Variants in MUC13 observed in about 807,000 individuals in gnomAD.
MUC13 encodes mucin 13, cell surface associated, also known as mucin-13.
In MUC13, 32 loss-of-function variants were observed where a neutral mutation model predicts 48.3. The observed-to-expected ratio is 0.66, with a 90% confidence interval of 0.50 to 0.89. The LOEUF (loss-of-function observed/expected upper bound fraction) is 0.89. MUC13 is among the 40% of genes least tolerant of loss of function. MUC13 has a pLI of 0.00. For synonymous variants in MUC13, 199 were observed against 224.9 expected, an observed-to-expected ratio of 0.88 and a Z score of 1.03; for missense variants, 571 against 622.8, an observed-to-expected ratio of 0.92 and a Z score of 0.88.
chr3:124,931,883 A>C (rs925042562), intron 1 of MUC13, among the ~76,000 whole-genome samples: 5 of 152,098 alleles, frequency 3.3e-5, no homozygotes, highest in Non-Finnish European at 7.4e-5. Flanking sequence ...TCTCTACTAA[A>C]AATACAAAAA....
intron 1 of MUC13, among the ~76,000 whole-genome samples, chr3:124,931,819 C>A (rs1329209427): frequency 2.0e-5 from 3 of 151,186 alleles, no homozygotes; most frequent in Non-Finnish European, 2.9e-5. Context: ...CCAAGGCGGG[C>A]GGATCATGAG....
At chr3:124,925,894 C>T (rs1471136424) in intron 2 of MUC13, among the ~76,000 whole-genome samples, 4 of 152,000 alleles carry the variant, frequency 2.6e-5, no homozygotes, top group South Asian at 2.1e-4. Flanking sequence ...GGATTACAGG[C>T]GTGAGCCACC....
intron 1 of MUC13, among the ~76,000 whole-genome samples, chr3:124,932,680 T>C (rs1416024642): frequency 6.6e-6 from 1 of 152,068 alleles, no homozygotes; most frequent in Non-Finnish European, 1.5e-5. Context: ...CACATCAGGC[T>C]CTTTGTCTCA....
rs574307236 is a variant in MUC13 at position 124,910,564 on chromosome 3, G to T, written c.1253-65C>A. 1.5e-5 allele frequency: 24 copies of T among 1,596,124 alleles called. 1 individual carries two copies. The South Asian group carries it at 2.2e-4, about 15-fold the overall frequency. On this transcript the variant is annotated intron_variant, in intron 9 of 11. Transcript: ENST00000616727. ...TGGCCCCCAACTGTCTACTGCACAG[G>T]TTCGTGTATTCCCAGGGACTCCTAG...
chr3:124,927,588 G>A lies in MUC13; in HGVS notation c.458C>T (p.Ser153Leu). The A allele has an allele frequency of 6.2e-7, 1 of 1,614,202 alleles. No individual in the cohort carries two copies. The highest frequency in any genetic ancestry group is 1.1e-5 in the South Asian group (1 of 91,084). Reference sequence around the variant, plus strand: ...AGCGGTGCCAGTGGGAGGCCCTGATGATTGATTGTCTTCTGTGGTGGGGGA... The same window carrying A: ...AGCGGTGCCAGTGGGAGGCCCTGATAATTGATTGTCTTCTGTGGTGGGGGA... ...EMSPTTEDNQ[S>L]SGPPTGTALL... The change falls in exon 2 of 12, where the codon TCA becomes TTA. Residue 153 changes from serine (S) to leucine (L), a missense_variant. Ser to Leu is a moderately radical substitution (Grantham distance 145, BLOSUM62 -2). Coordinates refer to ENST00000616727, the MANE Select transcript of MUC13 (RefSeq NM_033049.4).
rs567776561 is a variant in MUC13, at chr3:124,906,146, T to A, written c.*597A>T. 6.5e-6 allele frequency: 1 copy of A among 152,746 alleles called. No individual in the cohort carries two copies. The highest frequency in any genetic ancestry group is 1.9e-4 in the East Asian group (1 of 5,186). 9.5% of individuals were successfully genotyped at this position (152,746 alleles called of 1,614,324 possible). A position where few individuals can be genotyped will look rare whatever the true frequency, so the allele number is the denominator to read the frequency against. On this transcript the variant is annotated 3_prime_UTR_variant, in exon 12 of 12. Coordinates refer to ENST00000616727, the MANE Select transcript of MUC13 (RefSeq NM_033049.4). Reference sequence around the variant, plus strand: ...AGCTGAGAGATATGTCTCTTTCCAGTCTTCTTGGGTGAGGCTAGGTTGCAA... The same window carrying A: ...AGCTGAGAGATATGTCTCTTTCCAGACTTCTTGGGTGAGGCTAGGTTGCAA...
At chr3:124,932,915 A>G (rs1935821355) in intron 1 of MUC13, among the ~76,000 whole-genome samples, 1 of 151,812 alleles carries the variant, frequency 6.6e-6, no homozygotes, top group Admixed American at 6.6e-5. Flanking sequence ...TTAACTCTCT[A>G]TTCATCTCCT....
At chr3:124,919,290 T>A in intron 5 of MUC13, among the ~76,000 whole-genome samples, 1 of 140,186 alleles carries the variant, frequency 7.1e-6, no homozygotes, top group East Asian at 2.2e-4. Flanking sequence ...TGAGCTGATA[T>A]CACACCAATG....
chr3:124,926,704 C>T (rs867855065), intron 2 of MUC13, among the ~76,000 whole-genome samples: 8 of 152,244 alleles, frequency 5.3e-5, no homozygotes, highest in East Asian at 3.9e-4. Context: ...TAAAGTGTGA[C>T]GATTCTTCTA....
chr3:124,914,247 T>C (rs989668301), intron 6 of MUC13, among the ~76,000 whole-genome samples: 3 of 151,788 alleles, frequency 2.0e-5, no homozygotes, highest in Non-Finnish European at 4.4e-5. Context: ...CCATCTCTGC[T>C]AAAAATACAA....
intron 1 of MUC13, among the ~76,000 whole-genome samples, chr3:124,933,050 A>G (rs1474671386): frequency 2.0e-5 from 3 of 152,112 alleles, no homozygotes; most frequent in African/African-American, 7.2e-5. Context: ...TTTGTCCTGA[A>G]GGCTTGGACC....
At chr3:124,914,146 T>C (rs954603422) in intron 6 of MUC13, among the ~76,000 whole-genome samples, 4 of 151,866 alleles carry the variant, frequency 2.6e-5, no homozygotes, top group Admixed American at 6.6e-5. Context: ...GTGTGGTGGC[T>C]CACGTCTGTA....
intron 6 of MUC13, 115 bp from the exon 7 acceptor site, chr3:124,913,796 GC>G: frequency 8.5e-7 from 1 of 1,170,642 alleles, no homozygotes; most frequent in African/African-American, 1.5e-5. Flanking sequence ...AAGTTTTGGG[GC>G]CAAGTGCAGT....
In MUC13 at chr3:124,922,096, G is replaced by A. The variant is rs544794315; in HGVS notation, c.744+101C>T. 2.3e-5 allele frequency: 32 copies of A among 1,362,742 alleles called. No homozygotes were observed. The Admixed American group carries it at 3.2e-4, about 14-fold the overall frequency. 84.4% of individuals were successfully genotyped at this position (1,362,742 alleles called of 1,614,324 possible). A position where few individuals can be genotyped will look rare whatever the true frequency, so the allele number is the denominator to read the frequency against. On this transcript the variant is annotated intron_variant, in intron 4 of 11. Coordinates refer to ENST00000616727, the MANE Select transcript of MUC13 (RefSeq NM_033049.4). ...ATTTCACTGTTTGAACAACTGGTAC[G>A]ATGGTACGAGCGTGAACCACCTGAA...
At position 124,914,841 on chromosome 3, in the gene MUC13, G is replaced by A. The variant is rs143410040; in HGVS notation, c.965-1160C>T. 1.1e-4 allele frequency among the ~76,000 whole-genome samples: 17 copies of A among 152,236 alleles called. No homozygotes were observed. In the East Asian group the frequency reaches 3.1e-3, roughly 28 times the overall value. On this transcript the variant is annotated intron_variant, in intron 6 of 11. Coordinates refer to ENST00000616727, the MANE Select transcript of MUC13 (RefSeq NM_033049.4). ...CTCGAGAGGCTGAGGCAGGAGAATC[G>A]CTTGAACCCGGGAGTTGGAGGTTGT...
At chr3:124,930,137 T>C (rs752541617) in intron 1 of MUC13, among the ~76,000 whole-genome samples, 15 of 152,232 alleles carry the variant, frequency 9.9e-5, no homozygotes, top group African/African-American at 1.7e-4. Context: ...AGAACCAACA[T>C]GTTTCTGTAG....
intron 10 of MUC13, among the ~76,000 whole-genome samples, chr3:124,910,083 T>A (rs72976409): frequency 0.024 from 3,660 of 152,266 alleles, 140 homozygotes; most frequent in African/African-American, 0.084. Flanking sequence ...TCTTCCATGG[T>A]CCTGCTATTG....
chr3:124,907,883 G>T (rs1281824842), intron 11 of MUC13, among the ~76,000 whole-genome samples: 2 of 152,040 alleles, frequency 1.3e-5, no homozygotes, highest in Non-Finnish European at 2.9e-5. Flanking sequence ...GGACCTTAGG[G>T]GTATCTAAAT....
At chr3:124,934,616 C>A in intron 1 of MUC13, 45 bp downstream of exon 1, 2 of 1,383,650 alleles carry the variant, frequency 1.4e-6, no homozygotes, top group South Asian at 1.2e-5. Context: ...ACCTCAAAGA[C>A]AACATACATG....
Sources: gnomAD v4.1 joint callset for allele counts (sites outside exome capture counted in the v4.1 genomes callset) on GRCh38, gnomAD v4.1.1 for gene constraint, MANE v1.5 for transcripts, NCBI Gene and HGNC (gene_info 2026-07-23, HGNC 2026-07-21) for gene names.